The following GSN variants were observed in gnomAD, a reference collection of about 807,000 sequenced individuals.
GSN encodes the protein actin-depolymerizing factor.
A neutral mutation model predicts 85.7 loss-of-function variants in GSN; 56 were observed. That is an observed-to-expected ratio of 0.65 (90% CI 0.53 to 0.82). The LOEUF is 0.82. GSN is among the 40% of genes least tolerant of loss of function. The pLI, the probability that GSN is intolerant of heterozygous loss-of-function variation, is 0.00. For missense variants in GSN, 857 were observed against 979.8 expected, an observed-to-expected ratio of 0.87 and a Z score of 1.67; for synonymous variants, 373 against 399.1, an observed-to-expected ratio of 0.93 and a Z score of 0.78.
intron 2 of GSN, among the ~76,000 whole-genome samples, chr9:121,293,409 A>T (rs1215429528): frequency 4.0e-5 from 6 of 148,554 alleles, no homozygotes; most frequent in African/African-American, 1.2e-4. Flanking sequence ...TTGTCTTTCC[A>T]TTTTTTTTTT....
intron 4 of GSN, among the ~76,000 whole-genome samples, chr9:121,216,526 C>T (rs1291769546): frequency 2.0e-5 from 3 of 152,240 alleles, no homozygotes; most frequent in Admixed American, 1.3e-4. Context: ...GTCCCTAACT[C>T]TCCTACCTGC....
intron 3 of GSN, among the ~76,000 whole-genome samples, 163 bp downstream of exon 3, chr9:121,302,330 G>T (rs141494782): frequency 3.3e-5 from 5 of 152,314 alleles, no homozygotes; most frequent in Non-Finnish European, 7.3e-5. Context: ...GCCTGGCCAA[G>T]TTCACACCCC....
In GSN at chr9:121,250,647, C is replaced by A. The variant is rs547728080; in HGVS notation, c.-341+2324C>A. 4.0e-4 allele frequency among the ~76,000 whole-genome samples: 61 copies of A among 151,998 alleles called. 2 individuals are homozygous for A. In the South Asian group the frequency reaches 0.012, roughly 31 times the overall value. On this transcript the variant is annotated intron_variant, in intron 6 of 24. Transcript: ENST00000373823. ...CTACTTCCCAGGCTCAAGCCATCCT[C>A]CTACCTTAGGCTCCCAAGTAGCTGA...
intron 6 of GSN, among the ~76,000 whole-genome samples, chr9:121,250,095 T>C (rs2054786580): frequency 6.6e-6 from 1 of 152,288 alleles, no homozygotes; most frequent in South Asian, 2.1e-4. Flanking sequence ...GCTCTGGTCG[T>C]ACTTTCATAC....
At chr9:121,282,495 C>T in intron 2 of GSN, 3 of 1,257,802 alleles carry the variant, frequency 2.4e-6, no homozygotes, top group Non-Finnish European at 2.0e-6. Context: ...AGCTGGCTTC[C>T]AGATGGTGAC....
chr9:121,327,951 G>GCAACAGGAGTAAAACTCTGTCT (rs1454192799), intron 14 of GSN, among the ~76,000 whole-genome samples: 4 of 151,578 alleles, frequency 2.6e-5, no homozygotes, highest in Non-Finnish European at 5.9e-5. Context: ...TCCAGCCTGG[G>GCAACAGGAGTAAAACTCTGTCT]CAACAGGAGT....
rs1316019356 is a variant in GSN at position 121,261,031 on chromosome 9, A to C, written c.-340-4123A>C. Reference sequence around the variant, plus strand: ...TGCATTGCTGGCCCGATTGTGTTTCAACTCCAAGAAACAGCACAACATTTG... The same window carrying C: ...TGCATTGCTGGCCCGATTGTGTTTCCACTCCAAGAAACAGCACAACATTTG... On this transcript the variant is annotated intron_variant, in intron 6 of 24. Coordinates refer to the GSN transcript ENST00000373823. This position sits in a 1 kb window ranked among gnomAD's most constrained non-coding sequence, Gnocchi z 4.1. 6.6e-6 allele frequency among the ~76,000 whole-genome samples: 1 copy of C among 152,218 alleles called. No homozygotes were observed. Among genetic ancestry groups the C allele is most frequent in the East Asian group, 1.9e-4 (1 of 5,194 alleles).
intron 4 of GSN, among the ~76,000 whole-genome samples, chr9:121,220,026 C>T (rs2054139642): frequency 6.6e-6 from 1 of 152,206 alleles, no homozygotes; most frequent in Non-Finnish European, 1.5e-5. Flanking sequence ...GGATTACAGG[C>T]ATGCGCCACT....
chr9:121,328,395 T>G (rs925198964), intron 14 of GSN, among the ~76,000 whole-genome samples: 1 of 152,146 alleles, frequency 6.6e-6, no homozygotes, highest in Admixed American at 6.5e-5. Context: ...ATGCGACCAG[T>G]GGGAATTAGT....
intron 4 of GSN, among the ~76,000 whole-genome samples, chr9:121,213,623 G>A (rs2054006203): frequency 6.6e-6 from 1 of 152,232 alleles, no homozygotes; most frequent in Non-Finnish European, 1.5e-5. Context: ...TGGCAAATTA[G>A]CATTGTGAGC....
upstream of GSN, among the ~76,000 whole-genome samples, chr9:121,267,395 C>G (rs1205811319): frequency 6.6e-6 from 1 of 152,220 alleles, no homozygotes; most frequent in Non-Finnish European, 1.5e-5. Context: ...AACATCCCTT[C>G]CGTTTATGCA....
Position 121,294,463 on chromosome 9 carries a change from C to T in GSN, c.-9-7500C>T, listed in dbSNP as rs573407386. Among the ~76,000 whole-genome samples, 143 of 152,276 alleles carry T rather than the reference C, an allele frequency of 9.4e-4. 1 individual carries two copies. The highest frequency in any genetic ancestry group is 4.9e-3 in the Admixed American group (75 of 15,300). ...ACCCATGGCCAAATCTGGCTGCTTC[C>T]AGGACATGGGGTCAGGAAGTAGCAG... On this transcript the variant is annotated intron_variant, in intron 2 of 17. Transcript: ENST00000432226.
intron 4 of GSN, among the ~76,000 whole-genome samples, chr9:121,307,637 T>A (rs2060556545): frequency 6.6e-6 from 1 of 152,244 alleles, no homozygotes; most frequent in Admixed American, 6.5e-5. Context: ...AGTTCCTGCA[T>A]CAGGGGCTTG....
At chr9:121,269,521 G>C (rs1041199565) in intron 1 of GSN, among the ~76,000 whole-genome samples, 2 of 152,130 alleles carry the variant, frequency 1.3e-5, no homozygotes, top group Non-Finnish European at 2.9e-5. Context: ...ATACACACTT[G>C]GGGGTGCTGG....
In GSN at chr9:121,261,191, G is replaced by A. The variant is rs569405173; in HGVS notation, c.-340-3963G>A. Among the ~76,000 whole-genome samples the A allele has an allele frequency of 6.6e-6, 1 of 152,368 alleles. No homozygotes were observed. The highest frequency in any genetic ancestry group is 2.1e-4 in the South Asian group (1 of 4,830). ...AATGCCTTCTGGTCCGCTGAGCCCAGAAGAGTGGGGCTGGGCTTTCAGAAA... is the reference window on the plus strand; with the variant it reads ...AATGCCTTCTGGTCCGCTGAGCCCAAAAGAGTGGGGCTGGGCTTTCAGAAA... On this transcript the variant is annotated intron_variant, in intron 6 of 24. Coordinates refer to the GSN transcript ENST00000373823. This position sits in a 1 kb window ranked among gnomAD's most constrained non-coding sequence, Gnocchi z 4.1.
chr9:121,303,615 G>C (rs1345721326), intron 4 of GSN, among the ~76,000 whole-genome samples: 1 of 152,070 alleles, frequency 6.6e-6, no homozygotes, highest in Non-Finnish European at 1.5e-5. Flanking sequence ...GGAGCTCCAA[G>C]AGGCTGCACC....
intron 4 of GSN, among the ~76,000 whole-genome samples, chr9:121,230,252 C>G (rs1405093875): frequency 6.6e-6 from 1 of 152,122 alleles, no homozygotes; most frequent in Non-Finnish European, 1.5e-5. Context: ...AAAGGAGGCT[C>G]AGAGAGAGAA....
intron 11 of GSN, among the ~76,000 whole-genome samples, chr9:121,323,371 G>T (rs1002803114): frequency 2.4e-3 from 283 of 117,712 alleles, no homozygotes; most frequent in African/African-American, 8.1e-3. Flanking sequence ...TCCCATTACC[G>T]TTTTTTTTTT....
chr9:121,317,152 G>T lies in GSN; in HGVS notation c.820G>T (p.Ala274Ser), dbSNP rs1189708434. 3 of 1,614,138 alleles carry T rather than the reference G, an allele frequency of 1.9e-6. No individual in the cohort carries two copies. In the South Asian group the frequency reaches 3.3e-5, roughly 18 times the overall value. The stretch of plus-strand genomic sequence containing the variant: ...TGATGAGAACCCCTTCGCCCAGGGG[G>T]CCCTGAAGTCAGAGGACTGCTTCAT... ...VADENPFAQG[A>S]LKSEDCFILD... The change falls in exon 8 of 18, where the codon GCC (alanine) becomes TCC (serine). Residue 274 changes from alanine (A) to serine (S), a missense_variant. Coordinates refer to ENST00000432226, the MANE Select transcript of GSN (RefSeq NM_198252.3).
Sources: gnomAD v4.1 joint callset for allele counts (sites outside exome capture counted in the v4.1 genomes callset) on GRCh38, gnomAD v4.1.1 for gene constraint, Gnocchi (gnomAD v3.1) non-coding constraint, MANE v1.5 for transcripts, NCBI Gene and HGNC (gene_info 2026-07-23, HGNC 2026-07-21) for gene names.